NDUFAF2: variants seen among roughly 807,000 people sequenced by gnomAD.
NDUFAF2 encodes NADH dehydrogenase [ubiquinone] 1 alpha subcomplex assembly factor 2.
Under a neutral mutation model 22.8 loss-of-function variants are expected in NDUFAF2, and 13 were observed. The ratio of observed to expected loss-of-function variants is 0.57; its 90% confidence interval spans 0.37 to 0.91. NDUFAF2 has a LOEUF of 0.91. NDUFAF2 is among the 40% of genes least tolerant of loss of function. The pLI is 0.01. For missense variants in NDUFAF2, 162 were observed against 195.2 expected (o/e 0.83, Z 1.01); for synonymous variants, 53 against 64.2 (o/e 0.83, Z 0.84).
rs187346564 is a variant in NDUFAF2 at position 61,123,058 on chromosome 5, C to T, written c.258+24026C>T. Among the ~76,000 whole-genome samples the T allele has an allele frequency of 9.9e-5, 15 of 152,258 alleles. No individual in the cohort carries two copies. The East Asian group carries it at 2.5e-3, about 26-fold the overall frequency. Reference sequence around the variant, plus strand: ...TCCAGGTATATTCAACATGACTTCTCAGAAGTTCTCAGCAGGGATTGGGTC... The same window carrying T: ...TCCAGGTATATTCAACATGACTTCTTAGAAGTTCTCAGCAGGGATTGGGTC... On this transcript the variant is annotated intron_variant, in intron 3 of 3. Transcript: ENST00000296597.
intron 1 of NDUFAF2, among the ~76,000 whole-genome samples, chr5:61,070,728 T>G (rs759556257): frequency 6.6e-6 from 1 of 151,840 alleles, no homozygotes; most frequent in Non-Finnish European, 1.5e-5. Flanking sequence ...TAGAAAGTTA[T>G]TTTTTTTGTT....
intron 3 of NDUFAF2, among the ~76,000 whole-genome samples, chr5:61,133,139 C>A (rs576629064): frequency 6.6e-6 from 1 of 152,086 alleles, no homozygotes; most frequent in Non-Finnish European, 1.5e-5. Context: ...CAGTCACAGG[C>A]ACTATGGATG....
intron 2 of NDUFAF2, among the ~76,000 whole-genome samples, chr5:61,079,427 C>T (rs1174262811): frequency 1.3e-5 from 2 of 152,140 alleles, no homozygotes; most frequent in African/African-American, 4.8e-5. Flanking sequence ...GATTTACCTC[C>T]TATTTTTCAT....
intron 3 of NDUFAF2, among the ~76,000 whole-genome samples, chr5:61,148,845 A>G (rs1194976760): frequency 6.6e-6 from 1 of 152,258 alleles, no homozygotes; most frequent in African/African-American, 2.4e-5. Flanking sequence ...TTTTAAATCA[A>G]TAATGTTTGG....
At chr5:61,043,311 G>A (rs902956386) in intron 1 of NDUFAF2, among the ~76,000 whole-genome samples, 34 of 152,152 alleles carry the variant, frequency 2.2e-4, no homozygotes, top group Admixed American at 2.0e-3. Context: ...AAAATACTCT[G>A]TGTAATACTA....
Position 61,102,344 on chromosome 5 carries a change from A to G in NDUFAF2, c.258+3312A>G, listed in dbSNP as rs577387459. On this transcript the variant is annotated intron_variant, in intron 3 of 3. Transcript: ENST00000296597. ...ATTAGGATACTGGGTAAATAAATCA[A>G]TGGAAAAAACAAAAGTCCAAAAAGT... 2.0e-5 allele frequency among the ~76,000 whole-genome samples: 3 copies of G among 152,300 alleles called. No homozygotes were observed. In the East Asian group the frequency reaches 5.8e-4, roughly 29 times the overall value.
At chr5:60,995,946 C>G (rs576136125) in intron 1 of NDUFAF2, among the ~76,000 whole-genome samples, 2 of 152,308 alleles carry the variant, frequency 1.3e-5, no homozygotes, top group African/African-American at 4.8e-5. Flanking sequence ...CAAGGAAGTA[C>G]TACAAGACTA....
chr5:61,004,997 T>A (rs1320637619), intron 1 of NDUFAF2, among the ~76,000 whole-genome samples: 1 of 152,154 alleles, frequency 6.6e-6, no homozygotes, highest in African/African-American at 2.4e-5. Context: ...TGCAGGTTTG[T>A]TACATGTGTA....
intron 1 of NDUFAF2, among the ~76,000 whole-genome samples, chr5:61,061,224 C>A (rs985261176): frequency 6.6e-5 from 10 of 151,994 alleles, no homozygotes; most frequent in African/African-American, 2.4e-4. Flanking sequence ...AAAAACAATC[C>A]CTTTCCATTA....
intron 3 of NDUFAF2, among the ~76,000 whole-genome samples, chr5:61,109,084 A>G (rs1752803885): frequency 6.6e-6 from 1 of 152,164 alleles, no homozygotes; most frequent in African/African-American, 2.4e-5. Context: ...CTTCCAATTC[A>G]TGAACATATA....
intron 1 of NDUFAF2, among the ~76,000 whole-genome samples, chr5:61,022,870 CCT>C (rs1384288764): frequency 1.2e-4 from 19 of 152,222 alleles, no homozygotes; most frequent in African/African-American, 4.6e-4. Context: ...GTCTTGAACT[CCT>C]CACCTCAGGT....
At chr5:61,111,950 C>T (rs1227872197) in intron 3 of NDUFAF2, among the ~76,000 whole-genome samples, 1 of 151,138 alleles carries the variant, frequency 6.6e-6, no homozygotes, top group African/African-American at 2.4e-5. Flanking sequence ...GTAGAGACAG[C>T]GTTTCTGCAT....
intron 1 of NDUFAF2, among the ~76,000 whole-genome samples, chr5:61,055,480 C>T (rs909939884): frequency 1.3e-5 from 2 of 152,092 alleles, no homozygotes; most frequent in Non-Finnish European, 2.9e-5. Context: ...AACACTTTTT[C>T]AGGTGGGTGT....
intron 1 of NDUFAF2, among the ~76,000 whole-genome samples, chr5:61,011,012 A>AGAAGGAGCCTGAATCCCTTATGATTATG (rs1751436322): frequency 1.3e-5 from 2 of 152,130 alleles, no homozygotes; most frequent in African/African-American, 4.8e-5. Context: ...GTAGCCAGAT[A>AGAAGGAGCCTGAATCCCTTATGATTATG]GAAGGAGCCT....
rs1326210653 is a variant in NDUFAF2, at chr5:60,983,095, A to G, written c.127+37713A>G. On this transcript the variant is annotated intron_variant, in intron 1 of 3. Transcript: ENST00000296597. ...TGATTTTTTAATGATTGCCATTCTA[A>G]CTGGTGTGAGATGGTATCTCATTGT... 7.9e-5 allele frequency among the ~76,000 whole-genome samples: 12 copies of G among 151,212 alleles called. No individual in the cohort carries two copies. The East Asian group carries it at 2.4e-3, about 30-fold the overall frequency.
chr5:60,971,958 T>TC (rs1390013878), intron 1 of NDUFAF2, among the ~76,000 whole-genome samples: 1 of 148,914 alleles, frequency 6.7e-6, no homozygotes, highest in Non-Finnish European at 1.5e-5. Context: ...TTTTTTTTTT[T>TC]CTGAGACGGA....
intron 3 of NDUFAF2, among the ~76,000 whole-genome samples, chr5:61,144,797 T>C (rs543048150): frequency 6.6e-6 from 1 of 152,316 alleles, no homozygotes; most frequent in African/African-American, 2.4e-5. Context: ...AAAGCCCAGG[T>C]TTAAATAGCT....
intron 1 of NDUFAF2, among the ~76,000 whole-genome samples, chr5:60,951,222 G>A (rs1409223209): frequency 6.6e-6 from 1 of 151,960 alleles, no homozygotes; most frequent in Non-Finnish European, 1.5e-5. Flanking sequence ...TAAGAGACAG[G>A]GTTTCGCCAT....
chr5:61,123,401 A>G (rs773674076), intron 3 of NDUFAF2, among the ~76,000 whole-genome samples: 5 of 152,172 alleles, frequency 3.3e-5, no homozygotes, highest in Non-Finnish European at 7.3e-5. Context: ...CTCCTAGGCT[A>G]TAAACCTGTA....
Sources: gnomAD v4.1 joint callset for allele counts (sites outside exome capture counted in the v4.1 genomes callset) on GRCh38, gnomAD v4.1.1 for gene constraint, MANE v1.5 for transcripts, NCBI Gene and HGNC (gene_info 2026-07-23, HGNC 2026-07-21) for gene names.